Variants in WWOX observed in about 807,000 individuals in gnomAD.
The protein encoded by WWOX is WW domain containing oxidoreductase, also known as WW domain-containing oxidoreductase.
A neutral mutation model predicts 46.2 loss-of-function variants in WWOX; 69 were observed. The ratio of observed to expected loss-of-function variants is 1.49; its 90% CI spans 1.23 to 1.82. The LOEUF is 1.82. Among genes scored for constraint, WWOX ranks in the 40% most tolerant of loss-of-function variants. The pLI is 0.00. For synonymous variants in WWOX, 359 were observed against 202.6 expected, an observed-to-expected ratio of 1.77 and a Z score of -6.56; for missense variants, 919 against 542.6, an observed-to-expected ratio of 1.69 and a Z score of -6.89.
At chr16:79,068,319 A>C (rs73570893) in intron 8 of WWOX, among the ~76,000 whole-genome samples, 13,475 of 152,196 alleles carry the variant, frequency 0.089, 669 homozygotes, top group Middle Eastern at 0.13. Context: ...GGGGGTGAGG[A>C]CAATTATGTC....
At chr16:78,784,811 C>G (rs1034007274) in intron 8 of WWOX, among the ~76,000 whole-genome samples, 2 of 152,110 alleles carry the variant, frequency 1.3e-5, no homozygotes, top group African/African-American at 2.4e-5. Context: ...TCACATGTGT[C>G]GGTCCCAAGG....
intron 8 of WWOX, among the ~76,000 whole-genome samples, chr16:78,685,253 G>T (rs1314654894): frequency 6.6e-6 from 1 of 152,158 alleles, no homozygotes; most frequent in Non-Finnish European, 1.5e-5. Context: ...CAAGTGTTTG[G>T]TTTGGTCTTG....
At chr16:78,514,437 A>C (rs1030604206) in intron 8 of WWOX, among the ~76,000 whole-genome samples, 1 of 152,150 alleles carries the variant, frequency 6.6e-6, no homozygotes, top group Non-Finnish European at 1.5e-5. Context: ...GGATAGATAC[A>C]TTTTCCATGT....
At chr16:78,989,903 C>G (rs1258427365) in intron 8 of WWOX, among the ~76,000 whole-genome samples, 2 of 149,318 alleles carry the variant, frequency 1.3e-5, no homozygotes, top group Non-Finnish European at 3.0e-5. Context: ...GCGGGGGATT[C>G]CAGGTACAGT....
chr16:78,584,123 C>T lies in WWOX; in HGVS notation c.1056+151371C>T, dbSNP rs116231855. Among the ~76,000 whole-genome samples the T allele has an allele frequency of 8.6e-3, 1,304 of 152,284 alleles. 13 individuals carry two copies. The highest frequency in any genetic ancestry group is 0.029 in the African/African-American group (1,221 of 41,566). Reference sequence around the variant, plus strand: ...TGTCTTCCACACTGGACTGTAAGATCCATGAGATCTAGGACCACGTCTGTC... The same window carrying T: ...TGTCTTCCACACTGGACTGTAAGATTCATGAGATCTAGGACCACGTCTGTC... On this transcript the variant is annotated intron_variant, in intron 8 of 8. Coordinates refer to ENST00000566780, the MANE Select transcript of WWOX (RefSeq NM_016373.4).
At chr16:79,047,668 C>T (rs936346899) in intron 8 of WWOX, among the ~76,000 whole-genome samples, 1 of 138,110 alleles carries the variant, frequency 7.2e-6, no homozygotes, top group Non-Finnish European at 1.5e-5. Flanking sequence ...CTGAGACTGT[C>T]CTGATTTTTT....
intron 8 of WWOX, chr16:78,899,147 ACAT>A (rs1428997955): frequency 6.6e-6 from 1 of 152,116 alleles, no homozygotes; most frequent in African/African-American, 2.4e-5. Context: ...TTTGAGACAG[ACAT>A]CATTGCTTTA....
chr16:79,009,525 TG>T (rs904002561), intron 8 of WWOX, among the ~76,000 whole-genome samples: 56 of 152,136 alleles, frequency 3.7e-4, no homozygotes, highest in African/African-American at 1.3e-3. Context: ...TGGAGTGTAG[TG>T]GTGCGATCTC....
intron 8 of WWOX, among the ~76,000 whole-genome samples, chr16:78,536,211 C>G (rs1342825260): frequency 6.6e-6 from 1 of 152,068 alleles, no homozygotes; most frequent in Non-Finnish European, 1.5e-5. Flanking sequence ...TGGTGCCATT[C>G]TCCTCCCTTT....
intron 8 of WWOX, among the ~76,000 whole-genome samples, chr16:78,482,926 A>G (rs2084532010): frequency 6.6e-6 from 1 of 152,142 alleles, no homozygotes; most frequent in African/African-American, 2.4e-5. Flanking sequence ...AGTCATTCAT[A>G]TCTGTTCGTA....
intron 5 of WWOX, among the ~76,000 whole-genome samples, chr16:78,268,862 A>C (rs1476494667): frequency 6.6e-6 from 1 of 152,160 alleles, no homozygotes; most frequent in Non-Finnish European, 1.5e-5. Context: ...AAAATTATAG[A>C]GCTGTCTAAA....
At chr16:79,167,029 C>A (rs1256639929) in intron 8 of WWOX, among the ~76,000 whole-genome samples, 2 of 152,158 alleles carry the variant, frequency 1.3e-5, no homozygotes, top group Admixed American at 1.3e-4. Flanking sequence ...CAACCTCCAC[C>A]TCCCAGGTTC....
chr16:78,237,512 C>G (rs190852358), intron 5 of WWOX: 116 of 152,308 alleles, frequency 7.6e-4, no homozygotes, highest in African/African-American at 2.5e-3. Flanking sequence ...AGTGCTTTCA[C>G]TTGGTCCCAC....
chr16:78,467,254 C>A (rs562228580), intron 8 of WWOX, among the ~76,000 whole-genome samples: 1 of 152,008 alleles, frequency 6.6e-6, no homozygotes, highest in African/African-American at 2.4e-5. Flanking sequence ...TGATCACCAC[C>A]CATGTTAATT....
At chr16:78,127,446 T>G (rs2033407660) in intron 4 of WWOX, among the ~76,000 whole-genome samples, 1 of 150,402 alleles carries the variant, frequency 6.6e-6, no homozygotes, top group African/African-American at 2.5e-5. Flanking sequence ...GTCTTTGGTA[T>G]GAAGGAAAAC....
intron 8 of WWOX, among the ~76,000 whole-genome samples, chr16:78,706,442 G>C (rs553174937): frequency 6.6e-6 from 1 of 152,156 alleles, no homozygotes; most frequent in South Asian, 2.1e-4. Context: ...ATTTCTTTCT[G>C]TAATCAAGAG....
intron 8 of WWOX, among the ~76,000 whole-genome samples, chr16:79,146,591 A>G (rs1039973214): frequency 1.3e-5 from 2 of 152,174 alleles, no homozygotes; most frequent in African/African-American, 2.4e-5. Flanking sequence ...AAGGATAATA[A>G]CAGCCATTTT....
chr16:78,422,643 GCCT>G (rs1188158584), intron 6 of WWOX, among the ~76,000 whole-genome samples: 5 of 59,190 alleles, frequency 8.4e-5, no homozygotes, highest in African/African-American at 2.0e-4. Context: ...ACTGTGCCCA[GCCT>G]CCTGTTTTTT....
chr16:78,474,908 C>A (rs948320798), intron 8 of WWOX, among the ~76,000 whole-genome samples: 4 of 152,214 alleles, frequency 2.6e-5, no homozygotes, highest in African/African-American at 9.6e-5. Context: ...TTTTTCAGTT[C>A]CTTGTTTTTT....
Sources: allele counts gnomAD v4.1 joint callset (sites outside exome capture counted in the v4.1 genomes callset), GRCh38; gene constraint gnomAD v4.1.1; transcripts MANE v1.5; gene names NCBI Gene and HGNC (gene_info 2026-07-23, HGNC 2026-07-21).